The following HPF1 variants were observed in gnomAD, a reference collection of about 807,000 sequenced individuals.
The protein encoded by HPF1 is histone PARylation factor 1, also known as UPF0609 protein C4orf27.
HPF1 carries 35 observed loss-of-function variants against 38.8 expected under a neutral mutation model. The observed-to-expected ratio is 0.90, with a 90% confidence interval of 0.69 to 1.19. The LOEUF is 1.19. Among genes scored for constraint, HPF1 ranks in the 50% most tolerant of loss-of-function variants. HPF1 has a pLI of 0.00. For missense variants in HPF1, 367 were observed against 405.8 expected (o/e 0.90, Z 0.82); for synonymous variants, 115 against 139.2 (o/e 0.83, Z 1.22).
intron 3 of HPF1, among the ~76,000 whole-genome samples, chr4:169,749,191 A>C (rs1421601206): frequency 6.6e-6 from 1 of 152,212 alleles, no homozygotes; most frequent in Non-Finnish European, 1.5e-5. Flanking sequence ...TGCATGTTAA[A>C]AAATTCCATC....
At chr4:169,747,652 C>T (rs1281344679) in intron 4 of HPF1, among the ~76,000 whole-genome samples, 1 of 152,216 alleles carries the variant, frequency 6.6e-6, no homozygotes, top group African/African-American at 2.4e-5. Context: ...GGCTCACTCA[C>T]CTCTATTCCA....
rs185973212 is a variant in HPF1 at position 169,731,167 on chromosome 4, G to A, written c.909+537C>T. On this transcript the variant is annotated intron_variant, in intron 7 of 7. Coordinates refer to ENST00000393381, the MANE Select transcript of HPF1 (RefSeq NM_017867.3). ...CTTTGATCTTCAGGCAACTATGGTC[G>A]AGTAAGCACTGGTTTAGCTATTAAG... Among the ~76,000 whole-genome samples, 26 of 152,318 alleles carry A rather than the reference G, an allele frequency of 1.7e-4. 1 individual carries two copies. The highest frequency in any genetic ancestry group is 1.2e-3 in the East Asian group (6 of 5,186).
At chr4:169,743,781 C>T (rs761255843) in intron 4 of HPF1, among the ~76,000 whole-genome samples, 2 of 152,046 alleles carry the variant, frequency 1.3e-5, no homozygotes, top group Non-Finnish European at 2.9e-5. Flanking sequence ...CTTCTATTCA[C>T]TGCCAACATC....
chr4:169,749,674 C>A (rs936637242), intron 3 of HPF1, among the ~76,000 whole-genome samples: 2 of 145,046 alleles, frequency 1.4e-5, no homozygotes, highest in African/African-American at 5.3e-5. Flanking sequence ...TATAATGGAA[C>A]CTAAAACTAA....
At chr4:169,731,442 T>A (rs1733826548) in intron 7 of HPF1, among the ~76,000 whole-genome samples, 1 of 152,180 alleles carries the variant, frequency 6.6e-6, no homozygotes, top group South Asian at 2.1e-4. Context: ...AATGTAAGCC[T>A]GAATGCAAAT....
chr4:169,730,362 TG>T (rs1307246378), intron 7 of HPF1, among the ~76,000 whole-genome samples: 1 of 152,266 alleles, frequency 6.6e-6, no homozygotes, highest in Non-Finnish European at 1.5e-5. Context: ...TCACATCTTA[TG>T]GCTCTACTTA....
chr4:169,733,513 T>C (rs919396167), intron 6 of HPF1, among the ~76,000 whole-genome samples: 10 of 152,198 alleles, frequency 6.6e-5, no homozygotes, highest in African/African-American at 2.2e-4. Context: ...TTAACAATTA[T>C]ACTCAAGAAT....
At chr4:169,756,430 T>C (rs1389999477) in intron 1 of HPF1, among the ~76,000 whole-genome samples, 2 of 152,230 alleles carry the variant, frequency 1.3e-5, no homozygotes, top group African/African-American at 4.8e-5. Flanking sequence ...TAACTGTCTT[T>C]GTTCAGACGT....
chr4:169,755,704 T>C (rs1425222046), intron 1 of HPF1, among the ~76,000 whole-genome samples: 1 of 152,232 alleles, frequency 6.6e-6, no homozygotes, highest in Non-Finnish European at 1.5e-5. Context: ...AGCCTTTTTA[T>C]GAAGTTCAAA....
intron 4 of HPF1, among the ~76,000 whole-genome samples, chr4:169,745,736 C>G (rs1218288861): frequency 6.6e-6 from 1 of 152,156 alleles, no homozygotes; most frequent in Non-Finnish European, 1.5e-5. Context: ...CTCCTGGGCT[C>G]GAGCAATGCT....
At chr4:169,739,456 A>G (rs1180381307) in intron 5 of HPF1, among the ~76,000 whole-genome samples, 1 of 152,108 alleles carries the variant, frequency 6.6e-6, no homozygotes, top group East Asian at 1.9e-4. Context: ...CAACAGAGAA[A>G]AGTATTTAAC....
intron 4 of HPF1, among the ~76,000 whole-genome samples, chr4:169,742,685 G>A (rs1449954979): frequency 4.6e-5 from 7 of 152,178 alleles, no homozygotes; most frequent in Admixed American, 6.5e-5. Context: ...CCAGCTACTT[G>A]GGAGGCTGAG....
At chr4:169,739,017 A>G (rs990161833) in intron 5 of HPF1, among the ~76,000 whole-genome samples, 3 of 152,210 alleles carry the variant, frequency 2.0e-5, no homozygotes, top group Non-Finnish European at 4.4e-5. Flanking sequence ...GAGGGATAGC[A>G]TTAGGAGATA....
chr4:169,737,070 C>T (rs1157135766), intron 6 of HPF1, among the ~76,000 whole-genome samples: 3 of 152,034 alleles, frequency 2.0e-5, no homozygotes, highest in Admixed American at 6.6e-5. Context: ...GTCAAAGGTT[C>T]GGAAATAGTT....
At chr4:169,753,172 T>G (rs571233488) in intron 2 of HPF1, among the ~76,000 whole-genome samples, 2 of 151,760 alleles carry the variant, frequency 1.3e-5, no homozygotes, top group Admixed American at 1.3e-4. Flanking sequence ...TAGCTGGGAC[T>G]ACAGGTGTGC....
At position 169,739,177 on chromosome 4, in the gene HPF1, T is replaced by C. The variant is rs1364310304; in HGVS notation, c.649-1430A>G. ...AGACATAAAACTACTCGAAGGTAAA[T>C]TTTAAAAAATAATTTTGTGATAGAG... On this transcript the variant is annotated intron_variant, in intron 5 of 7. Transcript: ENST00000393381. Among the ~76,000 whole-genome samples the C allele has an allele frequency of 2.0e-5, 3 of 152,244 alleles. No homozygotes were observed. In the East Asian group the frequency reaches 5.8e-4, roughly 29 times the overall value.
At chr4:169,742,885 A>AAGGTCAGG (rs1733993591) in intron 4 of HPF1, among the ~76,000 whole-genome samples, 1 of 151,822 alleles carries the variant, frequency 6.6e-6, no homozygotes, top group South Asian at 2.1e-4. Flanking sequence ...CGGATCACTC[A>AAGGTCAGG]AGGTCAGGAG....
chr4:169,738,459 C>G (rs3775988), intron 5 of HPF1, among the ~76,000 whole-genome samples: 91,506 of 152,064 alleles, frequency 0.6, 32,135 homozygotes, highest in East Asian at 0.86. Context: ...AAATATTCCA[C>G]TTCTTTGTGC....
At chr4:169,746,851 C>A (rs1222584638) in intron 4 of HPF1, among the ~76,000 whole-genome samples, 1 of 149,988 alleles carries the variant, frequency 6.7e-6, no homozygotes, top group Non-Finnish European at 1.5e-5. Context: ...ACTTGCTGAT[C>A]TTCACCTAAG....
Sources: gnomAD v4.1 joint callset for allele counts (sites outside exome capture counted in the v4.1 genomes callset) on GRCh38, gnomAD v4.1.1 for gene constraint, MANE v1.5 for transcripts, NCBI Gene and HGNC (gene_info 2026-07-23, HGNC 2026-07-21) for gene names.